Variants in HCN4 observed in about 807,000 individuals in gnomAD.
HCN4 encodes potassium/sodium hyperpolarization-activated cyclic nucleotide-gated channel 4.
Under a neutral mutation model 76.9 loss-of-function variants are expected in HCN4, and 29 were observed. That is an observed-to-expected ratio of 0.38 (90% confidence interval 0.28 to 0.51). The LOEUF (loss-of-function observed/expected upper bound fraction) is 0.51, where lower values mean the gene tolerates loss of function less well. Among genes scored for constraint, HCN4 ranks in the 20% least tolerant of loss-of-function variants. HCN4 has a pLI of 0.90. For missense variants in HCN4, 1,416 were observed against 1,715.2 expected (o/e 0.83, Z 3.08); for synonymous variants, 772 against 762.5 (o/e 1.01, Z -0.21).
At chr15:73,359,202 C>T (rs2043094221) in intron 1 of HCN4, among the ~76,000 whole-genome samples, 1 of 152,188 alleles carries the variant, frequency 6.6e-6, no homozygotes, top group Admixed American at 6.5e-5. Flanking sequence ...TTGTGGTAGC[C>T]CAGAGCTGGG....
intron 2 of HCN4, among the ~76,000 whole-genome samples, chr15:73,337,461 G>A (rs2042973774): frequency 6.6e-6 from 1 of 152,226 alleles, no homozygotes; most frequent in Non-Finnish European, 1.5e-5. Flanking sequence ...ACTGTCACAG[G>A]CCACAGTAAC....
At chr15:73,338,394 C>A (rs532981079) in intron 2 of HCN4, among the ~76,000 whole-genome samples, 1 of 152,240 alleles carries the variant, frequency 6.6e-6, no homozygotes, top group Non-Finnish European at 1.5e-5. Flanking sequence ...CTTGGGGAAG[C>A]CCTGCTCTCA....
chr15:73,352,550 G>A (rs779914093), intron 1 of HCN4, among the ~76,000 whole-genome samples: 5 of 152,224 alleles, frequency 3.3e-5, no homozygotes, highest in Non-Finnish European at 7.3e-5. Flanking sequence ...GTCTCTGACA[G>A]GATGGGATGA....
intron 1 of HCN4, among the ~76,000 whole-genome samples, chr15:73,359,543 G>A (rs1427068146): frequency 2.0e-5 from 3 of 152,124 alleles, no homozygotes; most frequent in Non-Finnish European, 4.4e-5. Flanking sequence ...AGAGTCCTGA[G>A]CCTTGGTACC....
Position 73,323,259 on chromosome 15 carries a change from G to A in HCN4, c.2834C>T (p.Pro945Leu). 2 of 1,525,344 alleles carry A rather than the reference G, an allele frequency of 1.3e-6. No individual in the cohort carries two copies. The highest frequency in any genetic ancestry group is 2.6e-5 in the South Asian group (2 of 78,024). 94.5% of individuals were successfully genotyped at this position (1,525,344 alleles called of 1,614,324 possible). The change falls in exon 8 of 8, where the codon CCA becomes CTA. Residue 945 changes from proline to leucine, a missense_variant. Coordinates refer to ENST00000261917, the MANE Select transcript of HCN4 (RefSeq NM_005477.3). Reference sequence around the variant, plus strand: ...TCCCAGGCCTCCCCGGGCCCCGGGTGGCGCGGGAGATGGCTGGGCAGCCTG... The same window carrying A: ...TCCCAGGCCTCCCCGGGCCCCGGGTAGCGCGGGAGATGGCTGGGCAGCCTG... ...SPQAAQPSPA[P>L]PGARGGLGLP...
intron 2 of HCN4, 32 bp from the exon 3 acceptor site, chr15:73,332,324 T>C: frequency 6.2e-7 from 1 of 1,612,412 alleles, no homozygotes; most frequent in South Asian, 1.1e-5. Flanking sequence ...TTGGCTGGGA[T>C]AGGTGAGTGG....
intron 1 of HCN4, among the ~76,000 whole-genome samples, chr15:73,357,682 G>A (rs889856854): frequency 1.3e-5 from 2 of 151,954 alleles, no homozygotes; most frequent in South Asian, 2.1e-4. Context: ...CTCCATCCAC[G>A]GAGGCCATGA....
chr15:73,361,904 C>T (rs1356971068), intron 1 of HCN4, among the ~76,000 whole-genome samples: 4 of 152,244 alleles, frequency 2.6e-5, no homozygotes, highest in Non-Finnish European at 4.4e-5. Context: ...CCTGCTCAGT[C>T]ACCTCTGCGC....
At chr15:73,349,350 TA>T (rs201328210) in intron 1 of HCN4, among the ~76,000 whole-genome samples, 6 of 151,030 alleles carry the variant, frequency 4.0e-5, no homozygotes, top group African/African-American at 7.3e-5. Flanking sequence ...TAATCTTCAT[TA>T]AAAAAAAACC....
intron 1 of HCN4, among the ~76,000 whole-genome samples, chr15:73,358,915 ACCT>A (rs112038117): frequency 0.031 from 4,760 of 151,976 alleles, 245 homozygotes; most frequent in African/African-American, 0.11. Context: ...CCATTTTGCC[ACCT>A]CCAGCACCCT....
At chr15:73,348,091 G>A (rs575102493) in intron 1 of HCN4, among the ~76,000 whole-genome samples, 3 of 152,342 alleles carry the variant, frequency 2.0e-5, no homozygotes, top group Admixed American at 6.5e-5. Flanking sequence ...CCATTACACC[G>A]ATATCTGGAA....
Position 73,325,329 on chromosome 15 carries a change from A to C in HCN4, c.1706T>G (p.Ile569Ser). ...CAGGGGCTCGCTTAGCTCGCCCAGG[A>C]TGCTCTCCTCGTCGAACATCTTGCC... ...YQGKMFDEESILGELSEPLRE... is the reference protein window; with the variant it reads ...YQGKMFDEESSLGELSEPLRE... Residue 569 changes from isoleucine (I) to serine (S), a missense_variant, in exon 5 of 8, where the codon ATC becomes AGC. Physicochemically the swap from Ile to Ser is moderately radical, Grantham distance 142. Coordinates refer to ENST00000261917, the MANE Select transcript of HCN4 (RefSeq NM_005477.3). The surrounding 1 kb of genome is among the most constrained non-coding windows in gnomAD (Gnocchi z 7.4). The C allele has an allele frequency of 1.9e-6, 3 of 1,613,490 alleles. No homozygotes were observed. The highest frequency in any genetic ancestry group is 2.5e-6 in the Non-Finnish European group (3 of 1,179,768).
chr15:73,359,253 G>A (rs185639061), intron 1 of HCN4, among the ~76,000 whole-genome samples: 58 of 152,270 alleles, frequency 3.8e-4, no homozygotes, highest in African/African-American at 1.3e-3. Flanking sequence ...CAGCCGGCAC[G>A]GCTCGAGGTC....
intron 1 of HCN4, among the ~76,000 whole-genome samples, chr15:73,346,676 G>C (rs1231584864): frequency 1.3e-5 from 2 of 152,166 alleles, no homozygotes; most frequent in Admixed American, 6.5e-5. Context: ...TGGCAATGGT[G>C]TAAGAAACCA....
In HCN4 at chr15:73,323,016, C is replaced by A; in HGVS notation, c.3077G>T (p.Ser1026Ile). 1 of 1,475,320 alleles carries A rather than the reference C, an allele frequency of 6.8e-7. No individual in the cohort carries two copies. Among genetic ancestry groups the A allele is most frequent in the Non-Finnish European group, 9.0e-7 (1 of 1,115,542 alleles). 91.4% of individuals were successfully genotyped at this position (1,475,320 alleles called of 1,614,324 possible). ...GGGGCCTGGGCTGTGGCCAGGGGGG[C>A]TGAGACCTCCTCGGGGAGTAAAGCC... Reference protein sequence around the residue: ...PVGFTPRGGLSPPGHSPGPPR... With the variant: ...PVGFTPRGGLIPPGHSPGPPR... The change falls in exon 8 of 8, where the codon AGC becomes ATC. Residue 1026 changes from serine to isoleucine, a missense_variant. By Grantham distance (142) the Ser-to-Ile change is moderately radical. Coordinates refer to ENST00000261917, the MANE Select transcript of HCN4 (RefSeq NM_005477.3).
intron 1 of HCN4, among the ~76,000 whole-genome samples, chr15:73,362,519 A>T (rs989994062): frequency 6.6e-6 from 1 of 152,268 alleles, no homozygotes; most frequent in African/African-American, 2.4e-5. Flanking sequence ...GGATGACATT[A>T]CAGCAGGACA....
intron 6 of HCN4, 82 bp downstream of exon 6, chr15:73,324,873 A>C (rs1595820757): frequency 6.4e-7 from 1 of 1,563,832 alleles, no homozygotes; most frequent in African/African-American, 1.3e-5. Flanking sequence ...AAGGGTGCTC[A>C]CTGCCTCTGT....
At chr15:73,357,252 C>T (rs477377) in intron 1 of HCN4, among the ~76,000 whole-genome samples, 15,856 of 152,208 alleles carry the variant, frequency 0.1, 1,010 homozygotes, top group African/African-American at 0.19. Flanking sequence ...CTGGGCAGCA[C>T]AGAGCCAAGT....
chr15:73,340,826 C>T (rs1418947235), intron 2 of HCN4, among the ~76,000 whole-genome samples: 1 of 152,256 alleles, frequency 6.6e-6, no homozygotes, highest in East Asian at 1.9e-4. Flanking sequence ...GGGCCCCAGC[C>T]ATGAAAGGAA....
Sources: gnomAD v4.1 joint callset for allele counts (sites outside exome capture counted in the v4.1 genomes callset) on GRCh38, gnomAD v4.1.1 for gene constraint, Gnocchi (gnomAD v3.1) non-coding constraint, MANE v1.5 for transcripts, NCBI Gene and HGNC (gene_info 2026-07-23, HGNC 2026-07-21) for gene names.